The following FMN2 variants were observed in gnomAD, a reference collection of about 807,000 sequenced individuals.
FMN2 encodes the protein formin-2.
A neutral mutation model predicts 142.3 loss-of-function variants in FMN2; 51 were observed. The ratio of observed to expected loss-of-function variants is 0.36; its 90% confidence interval spans 0.29 to 0.45. The LOEUF is 0.45. Among genes scored for constraint, FMN2 ranks in the 20% least tolerant of loss-of-function variants. The probability of loss-of-function intolerance (pLI) is 1.00; values close to 1 mark genes in which losing one functional copy is unlikely to be tolerated. For missense variants in FMN2, 1,936 were observed against 2,122.8 expected, an observed-to-expected ratio of 0.91 and a Z score of 1.73; for synonymous variants, 882 against 869.8, an observed-to-expected ratio of 1.01 and a Z score of -0.25.
At chr1:240,302,225 G>A (rs1237556394) in intron 8 of FMN2, among the ~76,000 whole-genome samples, 2 of 151,590 alleles carry the variant, frequency 1.3e-5, no homozygotes, top group African/African-American at 4.8e-5. Flanking sequence ...CCTTATCTTT[G>A]TTAACATTGA....
At chr1:240,214,505 C>G (rs182726255) in intron 6 of FMN2, among the ~76,000 whole-genome samples, 9 of 147,612 alleles carry the variant, frequency 6.1e-5, no homozygotes, top group African/African-American at 2.3e-4. Context: ...GAGCCGAGAT[C>G]GCACCACTGC....
At chr1:240,196,835 A>G (rs903028626) in intron 4 of FMN2, among the ~76,000 whole-genome samples, 9 of 152,284 alleles carry the variant, frequency 5.9e-5, no homozygotes, top group Middle Eastern at 3.4e-3. Context: ...TTAAGAGACA[A>G]TGAATTAGAG....
At chr1:240,345,524 G>A (rs1424015417) in intron 13 of FMN2, among the ~76,000 whole-genome samples, 1 of 152,164 alleles carries the variant, frequency 6.6e-6, no homozygotes, top group Admixed American at 6.6e-5. Context: ...AGGCTGGAGT[G>A]CAGTGGCCTG....
intron 4 of FMN2, 35 bp from the exon 5 acceptor site, chr1:240,206,764 C>T (rs773684975): frequency 5.7e-6 from 9 of 1,566,434 alleles, no homozygotes; most frequent in South Asian, 1.2e-5. Flanking sequence ...TTCCTTATTT[C>T]ATAACTAACT....
At chr1:240,392,975 T>A (rs1314041833) in intron 15 of FMN2, among the ~76,000 whole-genome samples, 1 of 120,224 alleles carries the variant, frequency 8.3e-6, no homozygotes, top group Non-Finnish European at 1.7e-5. Context: ...AGACTTGCAA[T>A]TATGGGTAAA....
intron 15 of FMN2, among the ~76,000 whole-genome samples, chr1:240,405,106 A>C (rs1041060421): frequency 6.6e-6 from 1 of 152,174 alleles, no homozygotes; most frequent in Non-Finnish European, 1.5e-5. Context: ...CAGAGGTTAG[A>C]ACTCTTAAAC....
intron 7 of FMN2, among the ~76,000 whole-genome samples, chr1:240,270,440 A>G (rs12065595): frequency 0.27 from 41,299 of 151,926 alleles, 5,770 homozygotes; most frequent in Middle Eastern, 0.35. Flanking sequence ...CTATACTTCT[A>G]TGTTCATTGC....
chr1:240,337,860 C>T (rs1198835015), intron 13 of FMN2, among the ~76,000 whole-genome samples: 1 of 152,164 alleles, frequency 6.6e-6, no homozygotes, highest in Non-Finnish European at 1.5e-5. Flanking sequence ...TTTCTCTGCT[C>T]ACTCCCAAGA....
At chr1:240,399,232 A>G (rs1446687757) in intron 15 of FMN2, among the ~76,000 whole-genome samples, 5 of 152,210 alleles carry the variant, frequency 3.3e-5, no homozygotes, top group Non-Finnish European at 5.9e-5. Context: ...TCGAGTATCA[A>G]CTTCATAAGA....
chr1:240,371,251 C>T (rs1463215111), intron 14 of FMN2, among the ~76,000 whole-genome samples: 4 of 152,086 alleles, frequency 2.6e-5, no homozygotes, highest in African/African-American at 4.8e-5. Flanking sequence ...TGAGCCACTG[C>T]GCCTGACCTG....
chr1:240,429,477 G>T (rs77005935), intron 15 of FMN2, among the ~76,000 whole-genome samples: 1 of 151,950 alleles, frequency 6.6e-6, no homozygotes, highest in East Asian at 1.9e-4. Flanking sequence ...TAGTTGAGGC[G>T]TAATTTGTAA....
At position 240,366,019 on chromosome 1, in the gene FMN2, A is replaced by G. The variant is rs10926231; in HGVS notation, c.4858+10111A>G. Among the ~76,000 whole-genome samples, 1,095 of 152,318 alleles carry G rather than the reference A, an allele frequency of 7.2e-3. 14 individuals are homozygous for G. Among genetic ancestry groups the G allele is most frequent in the African/African-American group, 0.025 (1,035 of 41,574 alleles). On this transcript the variant is annotated intron_variant, in intron 14 of 17. Transcript: ENST00000319653. ...ATAGATGGTGACAAGGGCACTTTTC[A>G]CAGTGTAAGAGCTGAAACAAGAAGG...
intron 14 of FMN2, among the ~76,000 whole-genome samples, chr1:240,378,263 G>A (rs1223353536): frequency 6.6e-6 from 1 of 151,986 alleles, no homozygotes; most frequent in African/African-American, 2.4e-5. Context: ...CGATTCTCCT[G>A]CCTCAGCCTC....
chr1:240,203,992 G>A (rs1044199945), intron 4 of FMN2, among the ~76,000 whole-genome samples: 18 of 144,992 alleles, frequency 1.2e-4, no homozygotes, highest in African/African-American at 4.4e-4. Flanking sequence ...GAGCTTTTAA[G>A]GGGAGAGTGT....
chr1:240,093,093 CG>C lies in FMN2; in HGVS notation c.987del (p.Pro330ArgfsTer122). 1 of 1,393,992 alleles carries C rather than the reference CG, an allele frequency of 7.2e-7. No homozygotes were observed. The highest frequency in any genetic ancestry group is 1.9e-4 in the Middle Eastern group (1 of 5,316). The allele number at this position is 1,393,992 out of a possible 1,614,324, so 86.4% of individuals were successfully genotyped here. A position where few individuals can be genotyped will look rare whatever the true frequency, so the allele number is the denominator to read the frequency against. On this transcript the variant is annotated frameshift_variant, in exon 1 of 18. Transcript: ENST00000319653. LOFTEE classifies it high-confidence loss of function. ...SSTAFPFPEA[G>X]PGEEAAGAPV... ...CCACGGCTTTCCCATTTCCCGAGGC[CG>C]GGCCGGGGGAGGAAGCGGCCGGAGC... is the stretch of plus-strand genomic sequence containing the variant.
At position 240,143,123 on chromosome 1, in the gene FMN2, G is replaced by C; in HGVS notation, c.1782+19778G>C. 3 of 1,558,242 alleles carry C rather than the reference G, an allele frequency of 1.9e-6. No homozygotes were observed. In the Admixed American group the frequency reaches 5.0e-5, roughly 26 times the overall value. ...GTGCCAAGTGCACCATGAAGAGGTCGTTGGGGTCCTTGGCATGATATTGAG... is the reference window on the plus strand; with the variant it reads ...GTGCCAAGTGCACCATGAAGAGGTCCTTGGGGTCCTTGGCATGATATTGAG... On this transcript the variant is annotated intron_variant, in intron 2 of 17. Coordinates refer to ENST00000319653, the MANE Select transcript of FMN2 (RefSeq NM_020066.5).
chr1:240,323,218 T>G (rs12759361), intron 8 of FMN2, among the ~76,000 whole-genome samples: 1 of 150,798 alleles, frequency 6.6e-6, no homozygotes, highest in Non-Finnish European at 1.5e-5. Context: ...ACACTCTCAC[T>G]CTCTCTCACT....
intron 14 of FMN2, among the ~76,000 whole-genome samples, chr1:240,359,283 G>T (rs1408359457): frequency 6.6e-6 from 1 of 152,064 alleles, no homozygotes; most frequent in Non-Finnish European, 1.5e-5. Flanking sequence ...TTATAATTAG[G>T]CTTTCATCAA....
At chr1:240,322,347 G>A (rs1489965178) in intron 8 of FMN2, among the ~76,000 whole-genome samples, 1 of 152,124 alleles carries the variant, frequency 6.6e-6, no homozygotes, top group African/African-American at 2.4e-5. Flanking sequence ...TTGATGGCCT[G>A]TGCTTCTTTC....
Sources: allele counts gnomAD v4.1 joint callset (sites outside exome capture counted in the v4.1 genomes callset), GRCh38; gene constraint gnomAD v4.1.1; transcripts MANE v1.5; gene names NCBI Gene and HGNC (gene_info 2026-07-23, HGNC 2026-07-21).